AGMO: variants seen among roughly 807,000 people sequenced by gnomAD.
AGMO encodes glyceryl-ether monooxygenase.
Under a neutral mutation model 60.2 loss-of-function variants are expected in AGMO, and 75 were observed. That is an observed-to-expected ratio of 1.25 (90% CI 1.03 to 1.51). The LOEUF is 1.51. Ranked by LOEUF, AGMO falls within the 40% of genes most tolerant of loss-of-function variation. The pLI is 0.00. For synonymous variants in AGMO, 261 were observed against 177.1 expected (o/e 1.47, Z -3.76); for missense variants, 763 against 525.5 (o/e 1.45, Z -4.42).
intron 12 of AGMO, among the ~76,000 whole-genome samples, chr7:15,293,725 G>A (rs1563073300): frequency 6.6e-6 from 1 of 152,066 alleles, no homozygotes; most frequent in Non-Finnish European, 1.5e-5. Context: ...GTATTTTTGT[G>A]TGGTTAAGCA....
chr7:15,548,906 CAGCCAGAGAGAAAGGTCGGGT>C (rs1260240458), intron 2 of AGMO, among the ~76,000 whole-genome samples: 2,099 of 151,278 alleles, frequency 0.014, 50 homozygotes, highest in African/African-American at 0.05. Context: ...ATGTTAAGGG[CAGCCAGAGAGAAAGGTCGGGT>C]TACCCTCAAA....
chr7:15,404,341 G>A (rs1784629511), intron 5 of AGMO, among the ~76,000 whole-genome samples: 1 of 151,902 alleles, frequency 6.6e-6, no homozygotes, highest in Admixed American at 6.6e-5. Context: ...GGACAAGTTA[G>A]CATTTTATTT....
intron 3 of AGMO, among the ~76,000 whole-genome samples, chr7:15,515,590 C>A (rs187062983): frequency 2.0e-5 from 3 of 152,306 alleles, no homozygotes; most frequent in African/African-American, 7.2e-5. Flanking sequence ...TATATGAATG[C>A]ATATTTAAAT....
At chr7:15,154,432 C>G in the AGMO span, among the ~76,000 whole-genome samples, 1 of 152,150 alleles carries the variant, frequency 6.6e-6, no homozygotes, top group Non-Finnish European at 1.5e-5. Flanking sequence ...TAGCAACACT[C>G]TCTTTTGGTT....
chr7:15,525,003 A>G (rs1784086691), intron 3 of AGMO, among the ~76,000 whole-genome samples: 1 of 152,148 alleles, frequency 6.6e-6, no homozygotes, highest in Non-Finnish European at 1.5e-5. Flanking sequence ...CCACTGACTG[A>G]ATGGATCTCT....
chr7:15,430,381 C>G (rs1300574379), intron 4 of AGMO, among the ~76,000 whole-genome samples: 2 of 150,284 alleles, frequency 1.3e-5, no homozygotes, highest in Non-Finnish European at 3.0e-5. Context: ...AAGAGCTAAG[C>G]AAGGAAGATG....
chr7:15,259,899 CAAAAAAAAAAAAAA>C (rs71549927), intron 12 of AGMO, among the ~76,000 whole-genome samples: 27 of 9,410 alleles, frequency 2.9e-3, no homozygotes, highest in South Asian at 8.6e-3. Context: ...ACAAGAACTG[CAAAAAAAAAAAAAA>C]AAAAAAAAAA....
intron 12 of AGMO, among the ~76,000 whole-genome samples, chr7:15,352,008 A>G (rs1467733697): frequency 1.3e-5 from 2 of 152,218 alleles, no homozygotes; most frequent in Admixed American, 1.3e-4. Context: ...GTTAATTCAC[A>G]TTATCTTCAG....
chr7:15,196,177 G>C (rs1781111524), downstream of AGMO, among the ~76,000 whole-genome samples: 1 of 151,890 alleles, frequency 6.6e-6, no homozygotes, highest in South Asian at 2.1e-4. Context: ...AGAGTAGCTG[G>C]TATTACAGGC....
chr7:15,345,859 A>G (rs1250051778), intron 12 of AGMO, among the ~76,000 whole-genome samples: 1 of 151,790 alleles, frequency 6.6e-6, no homozygotes, highest in Admixed American at 6.6e-5. Context: ...TACAATAACA[A>G]TTCCCTTACA....
At chr7:15,119,625 G>C in the AGMO span, among the ~76,000 whole-genome samples, 1 of 152,104 alleles carries the variant, frequency 6.6e-6, no homozygotes, top group African/African-American at 2.4e-5. Flanking sequence ...TTGCAGCTGA[G>C]TGTGGCTGGA....
At chr7:15,218,500 G>A (rs568842266) in intron 12 of AGMO, among the ~76,000 whole-genome samples, 1 of 151,996 alleles carries the variant, frequency 6.6e-6, no homozygotes, top group Admixed American at 6.6e-5. Context: ...AAAGAATGTG[G>A]TTGAAGGGAG....
At chr7:15,222,088 T>C (rs1410066571) in intron 12 of AGMO, among the ~76,000 whole-genome samples, 1 of 152,128 alleles carries the variant, frequency 6.6e-6, no homozygotes, top group Non-Finnish European at 1.5e-5. Flanking sequence ...AATGCTATTA[T>C]TGGAGGATAA....
chr7:15,331,938 T>C (rs1416947595), intron 12 of AGMO, among the ~76,000 whole-genome samples: 9 of 147,850 alleles, frequency 6.1e-5, no homozygotes, highest in Non-Finnish European at 1.3e-4. Context: ...AAAAAAAAAA[T>C]TGCCATGTGA....
chr7:15,290,623 G>A (rs184832100), intron 12 of AGMO, among the ~76,000 whole-genome samples: 28 of 152,248 alleles, frequency 1.8e-4, no homozygotes, highest in Admixed American at 9.2e-4. Flanking sequence ...AGAGGAATGG[G>A]CACCAGGCAG....
the AGMO span, among the ~76,000 whole-genome samples, chr7:15,179,845 T>G: frequency 6.6e-6 from 1 of 152,168 alleles, no homozygotes; most frequent in South Asian, 2.1e-4. Flanking sequence ...CGGTAGACAC[T>G]GCCATGGCTT....
chr7:15,469,802 G>T (rs542570091), intron 3 of AGMO, among the ~76,000 whole-genome samples: 148 of 152,178 alleles, frequency 9.7e-4, no homozygotes, highest in Middle Eastern at 3.4e-3. Flanking sequence ...ATTTTGAAGG[G>T]GCTAGGAGAT....
chr7:15,306,815 T>C (rs1780629246), intron 12 of AGMO, among the ~76,000 whole-genome samples: 1 of 152,004 alleles, frequency 6.6e-6, no homozygotes, highest in African/African-American at 2.4e-5. Context: ...GAAAGGGCTG[T>C]TGGAGAAACA....
At chr7:15,348,829 A>C (rs555650478) in intron 12 of AGMO, among the ~76,000 whole-genome samples, 1 of 152,236 alleles carries the variant, frequency 6.6e-6, no homozygotes, top group South Asian at 2.1e-4. Context: ...AATTACCCAT[A>C]GCCTTCAGCA....
Sources: gnomAD v4.1 joint callset for allele counts (sites outside exome capture counted in the v4.1 genomes callset) on GRCh38, gnomAD v4.1.1 for gene constraint, MANE v1.5 for transcripts, NCBI Gene and HGNC (gene_info 2026-07-23, HGNC 2026-07-21) for gene names.